KIDINS220: variants seen among roughly 807,000 people sequenced by gnomAD.
KIDINS220 encodes the protein kinase D-interacting substrate of 220 kDa.
A neutral mutation model predicts 157.6 loss-of-function variants in KIDINS220; 63 were observed. The ratio of observed to expected loss-of-function variants is 0.40; its 90% CI spans 0.33 to 0.49. The LOEUF (loss-of-function observed/expected upper bound fraction) is 0.49, where lower values mean the gene tolerates loss of function less well. Among genes scored for constraint, KIDINS220 ranks in the 20% least tolerant of loss-of-function variants. KIDINS220 has a pLI of 0.66. For missense variants in KIDINS220, 1,772 were observed against 2,171.2 expected (o/e 0.82, Z 3.65); for synonymous variants, 732 against 783.6 (o/e 0.93, Z 1.10).
Position 8,826,984 on chromosome 2 carries a change from A to T in KIDINS220, c.108+2T>A. 22 of 1,463,440 alleles carry T rather than the reference A, an allele frequency of 1.5e-5. No individual in the cohort carries two copies. Among genetic ancestry groups the T allele is most frequent in the Non-Finnish European group, 2.1e-5 (22 of 1,046,894 alleles). The allele number at this position is 1,463,440 out of a possible 1,614,324, so 90.7% of individuals were successfully genotyped here. A position where few individuals can be genotyped will look rare whatever the true frequency, so the allele number is the denominator to read the frequency against. On this transcript the variant is annotated splice_donor_variant, in intron 2 of 29. Transcript: ENST00000256707. LOFTEE classifies it high-confidence loss of function. ...AATGTAATTTTGCAAACTTGGTCTT[A>T]CCTCATTTCTCTCATCTACATCTTT...
Position 8,781,610 on chromosome 2 carries a change from C to T in KIDINS220, c.2230-1796G>A, listed in dbSNP as rs548204008. Among the ~76,000 whole-genome samples, 16 of 152,072 alleles carry T rather than the reference C, an allele frequency of 1.1e-4. No homozygotes were observed. In the South Asian group the frequency reaches 1.9e-3, roughly 18 times the overall value. On this transcript the variant is annotated intron_variant, in intron 17 of 29. Transcript: ENST00000256707. ...ATTAAACTAGAAGTCAAAAACAGAA[C>T]GATAATTGGAAAATCCCAAAACATG...
At chr2:8,837,044 G>A (rs1281048473) in intron 1 of KIDINS220, among the ~76,000 whole-genome samples, 3 of 152,160 alleles carry the variant, frequency 2.0e-5, no homozygotes, top group African/African-American at 7.2e-5. Context: ...AAAAGCAAGG[G>A]AGAAAACAAC....
chr2:8,779,592 A>C (rs1469886616), intron 18 of KIDINS220, 82 bp downstream of exon 18: 1 of 1,447,916 alleles, frequency 6.9e-7, no homozygotes, highest in African/African-American at 1.4e-5. Flanking sequence ...ATTCCGTTCT[A>C]TTTTTAGATA....
chr2:8,806,413 A>G, intron 6 of KIDINS220, 44 bp from the exon 7 acceptor site: 4 of 1,163,966 alleles, frequency 3.4e-6, no homozygotes, highest in Middle Eastern at 2.2e-4. Context: ...TAAAAAGTAT[A>G]CTCAAAGAAA....
In KIDINS220 at chr2:8,729,397, T is replaced by C. The variant is rs1376144787; in HGVS notation, c.*1323A>G. ...TCTGCGATCTCACCATCTACCGTCC[T>C]AACTGTGACTTGGGGTAAACCACCA... On this transcript the variant is annotated 3_prime_UTR_variant, in exon 30 of 30. Transcript: ENST00000256707. 3 of 985,328 alleles carry C rather than the reference T, an allele frequency of 3.0e-6. No homozygotes were observed. The highest frequency in any genetic ancestry group is 6.1e-5 in the Admixed American group (1 of 16,268). The allele number at this position is 985,328 out of a possible 1,614,324, so 61.0% of individuals were successfully genotyped here.
intron 1 of KIDINS220, among the ~76,000 whole-genome samples, chr2:8,829,930 A>G (rs1679364084): frequency 6.6e-6 from 1 of 151,660 alleles, no homozygotes; most frequent in African/African-American, 2.4e-5. Flanking sequence ...TACCAGCCCC[A>G]GCTCACCCCA....
In KIDINS220 at chr2:8,791,193, G is replaced by C. The variant is rs1673129473; in HGVS notation, c.1308C>G (p.Asp436Glu). 6.2e-7 allele frequency: 1 copy of C among 1,613,726 alleles called. No homozygotes were observed. The highest frequency in any genetic ancestry group is 1.3e-5 in the African/African-American group (1 of 74,914). ...TGCTATATAAATCATATCCAAGCAT[G>C]TCACCGTCTGTTTCAGTAGGAGACA... ...RHLSPTETDG[D>E]MLGYDLYSSA... Residue 436 changes from aspartate to glutamate, a missense_variant, in exon 13 of 30, where the codon GAC (aspartate) becomes GAG (glutamate). Coordinates refer to ENST00000256707, the MANE Select transcript of KIDINS220 (RefSeq NM_020738.4).
In KIDINS220 at chr2:8,806,259, T is replaced by A. The variant is rs1293242460; in HGVS notation, c.603+12A>T. ...GTTTCTATTGCCAAGCATTAAAATA[T>A]AAGATACTTACAGCTCCTTCTTGAT... On this transcript the variant is annotated intron_variant, in intron 7 of 29. Transcript: ENST00000256707. 6.4e-7 allele frequency: 1 copy of A among 1,556,130 alleles called. No individual in the cohort carries two copies. Among genetic ancestry groups the A allele is most frequent in the Non-Finnish European group, 8.8e-7 (1 of 1,140,858 alleles).
At chr2:8,816,385 C>A (rs927646574) in intron 4 of KIDINS220, among the ~76,000 whole-genome samples, 3 of 152,190 alleles carry the variant, frequency 2.0e-5, no homozygotes, top group Non-Finnish European at 4.4e-5. Context: ...TTCTTCCAGT[C>A]TCAATTTCCT....
chr2:8,724,261 T>C (rs1303523035), downstream of KIDINS220: 1 of 152,228 alleles, frequency 6.6e-6, no homozygotes, highest in African/African-American at 2.4e-5. This position sits in a 1 kb window ranked among gnomAD's most constrained non-coding sequence, Gnocchi z 4.6. Flanking sequence ...ACATTCAGTA[T>C]TTTATGAGAC....
chr2:8,801,092 C>T (rs1460306554), intron 8 of KIDINS220, among the ~76,000 whole-genome samples: 2 of 152,174 alleles, frequency 1.3e-5, no homozygotes, highest in African/African-American at 2.4e-5. Flanking sequence ...CTCATGAGGA[C>T]ATTGCTCTCC....
chr2:8,783,059 T>A (rs1671912393), intron 17 of KIDINS220, among the ~76,000 whole-genome samples: 1 of 152,098 alleles, frequency 6.6e-6, no homozygotes, highest in African/African-American at 2.4e-5. Context: ...TAGCTGGGCA[T>A]GCTGTTGCAT....
intron 22 of KIDINS220, among the ~76,000 whole-genome samples, chr2:8,755,766 T>C (rs562943538): frequency 1.6e-4 from 24 of 152,380 alleles, no homozygotes; most frequent in African/African-American, 5.3e-4. Flanking sequence ...GGACTTGGCA[T>C]CCTTGCCAAA....
In KIDINS220 at chr2:8,837,556, CT is replaced by C. The variant is rs1384071997; in HGVS notation, c.-114del. ...AGGACGGGGAAGCAAGAGACGGCGACTGCAAGCGCGTCGCCCTCACCACACC... is the reference window on the plus strand; with the variant it reads ...AGGACGGGGAAGCAAGAGACGGCGACGCAAGCGCGTCGCCCTCACCACACC... On this transcript the variant is annotated 5_prime_UTR_variant, in exon 1 of 30. The change abolishes the stop of an existing upstream ORF in the 5' untranslated region. Transcript: ENST00000256707. The C allele has an allele frequency of 1.3e-5, 2 of 152,334 alleles. No individual in the cohort carries two copies. The highest frequency in any genetic ancestry group is 2.9e-5 in the Non-Finnish European group (2 of 68,134). 9.4% of individuals were successfully genotyped at this position (152,334 alleles called of 1,614,324 possible).
intron 1 of KIDINS220, among the ~76,000 whole-genome samples, chr2:8,833,053 T>G (rs1395381651): frequency 2.0e-5 from 3 of 152,230 alleles, no homozygotes; most frequent in Non-Finnish European, 4.4e-5. Flanking sequence ...ACATCTCAAA[T>G]CTTATCTTCT....
chr2:8,781,153 A>ATATATATATAATATAT (rs70946383), intron 17 of KIDINS220, among the ~76,000 whole-genome samples: 62,197 of 129,854 alleles, frequency 0.48, 17,212 homozygotes, highest in Non-Finnish European at 0.59. Context: ...ATATATATAT[A>ATATATATATAATATAT]ATATATATAT....
intron 4 of KIDINS220, among the ~76,000 whole-genome samples, chr2:8,816,494 G>A (rs1251527575): frequency 6.6e-6 from 1 of 152,154 alleles, no homozygotes; most frequent in African/African-American, 2.4e-5. Flanking sequence ...AAGAAGCCAG[G>A]CACGGAATAA....
At position 8,783,478 on chromosome 2, in the gene KIDINS220, T is replaced by C. The variant is rs572074714; in HGVS notation, c.2229+2263A>G. On this transcript the variant is annotated intron_variant, in intron 17 of 29. Transcript: ENST00000256707. ...GTACTGCAAGTCCTAACTAATGCAA[T>C]AAAACAAACAAACAAAAAGGAAATA... 1.9e-4 allele frequency among the ~76,000 whole-genome samples: 29 copies of C among 151,696 alleles called. 1 individual carries two copies. The South Asian group carries it at 4.6e-3, about 24-fold the overall frequency.
chr2:8,802,173 T>C (rs932202024), intron 8 of KIDINS220, among the ~76,000 whole-genome samples: 2 of 152,176 alleles, frequency 1.3e-5, no homozygotes, highest in Admixed American at 6.5e-5. Flanking sequence ...TGTCATGTCA[T>C]GTCTATAACT....
Sources: allele counts gnomAD v4.1 joint callset (sites outside exome capture counted in the v4.1 genomes callset), GRCh38; gene constraint gnomAD v4.1.1; non-coding constraint Gnocchi (gnomAD v3.1); transcripts MANE v1.5; gene names NCBI Gene and HGNC (gene_info 2026-07-23, HGNC 2026-07-21).